The following EPB41L2 variants were observed in gnomAD, a reference collection of about 807,000 sequenced individuals.
The protein encoded by EPB41L2 is erythrocyte membrane protein band 4.1 like 2.
A neutral mutation model predicts 113.0 loss-of-function variants in EPB41L2; 43 were observed. The ratio of observed to expected loss-of-function variants is 0.38; its 90% CI spans 0.30 to 0.49. The LOEUF (loss-of-function observed/expected upper bound fraction) is 0.49. EPB41L2 is among the 20% of genes least tolerant of loss of function. The probability of loss-of-function intolerance (pLI) is 0.95; values close to 1 mark genes in which losing one functional copy is unlikely to be tolerated. For missense variants in EPB41L2, 1,147 were observed against 1,223.4 expected (o/e 0.94, Z 0.93); for synonymous variants, 442 against 436.7 (o/e 1.01, Z -0.15).
chr6:131,001,129 G>A (rs1289639603), intron 1 of EPB41L2, among the ~76,000 whole-genome samples: 1 of 152,084 alleles, frequency 6.6e-6, no homozygotes, highest in African/African-American at 2.4e-5. Flanking sequence ...AGAAGAGAGC[G>A]TAAATGAGTG....
intron 1 of EPB41L2, among the ~76,000 whole-genome samples, chr6:131,051,667 T>A (rs1412146281): frequency 1.3e-5 from 2 of 152,126 alleles, no homozygotes; most frequent in African/African-American, 4.8e-5. Flanking sequence ...CCTGAAGAAT[T>A]GGAGGTTCCA....
intron 1 of EPB41L2, among the ~76,000 whole-genome samples, chr6:131,025,197 C>T (rs1406212962): frequency 6.6e-6 from 1 of 152,154 alleles, no homozygotes; most frequent in Non-Finnish European, 1.5e-5. Context: ...CTTTCTAAGG[C>T]CTGTTTCCCC....
chr6:130,874,716 C>T (rs1406637817), intron 14 of EPB41L2, among the ~76,000 whole-genome samples: 1 of 152,146 alleles, frequency 6.6e-6, no homozygotes, highest in African/African-American at 2.4e-5. Flanking sequence ...TACAGATAAA[C>T]CACTTGGGGG....
chr6:131,029,895 CT>C (rs959016942), intron 1 of EPB41L2, among the ~76,000 whole-genome samples: 1 of 6,934 alleles, frequency 1.4e-4, no homozygotes, highest in Non-Finnish European at 2.6e-4. Context: ...GGATTTTTCT[CT>C]TTTTTTCTTT....
chr6:130,888,435 A>G (rs1032846970), intron 11 of EPB41L2, among the ~76,000 whole-genome samples: 4 of 152,156 alleles, frequency 2.6e-5, no homozygotes, highest in Non-Finnish European at 5.9e-5. Context: ...ACCTCCTGTA[A>G]CCCTCTGCAC....
chr6:130,875,639 T>C (rs957997690), intron 14 of EPB41L2, among the ~76,000 whole-genome samples: 4 of 152,134 alleles, frequency 2.6e-5, no homozygotes, highest in African/African-American at 9.7e-5. Flanking sequence ...TAACACAACA[T>C]TGTATTTCAC....
chr6:131,049,117 T>C (rs1204461925), intron 1 of EPB41L2, among the ~76,000 whole-genome samples: 2 of 152,248 alleles, frequency 1.3e-5, no homozygotes, highest in African/African-American at 2.4e-5. Context: ...CAGCTCTTCA[T>C]TGCAGAGCTG....
chr6:130,910,274 G>A (rs1267700770), intron 4 of EPB41L2, among the ~76,000 whole-genome samples: 4 of 152,172 alleles, frequency 2.6e-5, no homozygotes, highest in Admixed American at 6.5e-5. Flanking sequence ...AACAAGCAAT[G>A]AGGAAAGGAT....
chr6:131,035,834 T>A (rs1174508724), intron 1 of EPB41L2, among the ~76,000 whole-genome samples: 1 of 152,220 alleles, frequency 6.6e-6, no homozygotes, highest in South Asian at 2.1e-4. Flanking sequence ...AGTGAGAGGT[T>A]AGCAATGTCA....
chr6:130,892,403 C>CTTTTTTTTTTT lies in EPB41L2; in HGVS notation c.1487+1930_1488-1938dup, dbSNP rs60350565. On this transcript the variant is annotated intron_variant, in intron 10 of 19. Transcript: ENST00000337057. ...CTTGCCATTTCTGAACAGATTATTGCTTTTTTTTTTTTTTTTTTTATCATT... is the reference window on the plus strand; with the variant it reads ...CTTGCCATTTCTGAACAGATTATTGCTTTTTTTTTTTTTTTTTTTTTTTTTTTTTTATCATT... Among the ~76,000 whole-genome samples the CTTTTTTTTTTT allele has an allele frequency of 5.5e-4, 51 of 92,624 alleles. 2 individuals carry two copies. Among genetic ancestry groups the CTTTTTTTTTTT allele is most frequent in the African/African-American group, 1.4e-3 (40 of 28,916 alleles). 60.8% of individuals were successfully genotyped at this position (92,624 alleles called of 152,430 possible).
intron 1 of EPB41L2, among the ~76,000 whole-genome samples, chr6:131,006,973 T>C (rs1299745044): frequency 6.6e-6 from 1 of 152,122 alleles, no homozygotes; most frequent in Non-Finnish European, 1.5e-5. Flanking sequence ...CTTAACTCCT[T>C]TGCCCCTCCC....
At chr6:130,985,973 T>C (rs1285429914) in intron 1 of EPB41L2, among the ~76,000 whole-genome samples, 2 of 151,940 alleles carry the variant, frequency 1.3e-5, no homozygotes, top group Non-Finnish European at 2.9e-5. Context: ...TCCTAACCCA[T>C]TCTATAGGGC....
Position 131,051,932 on chromosome 6 carries a change from A to AT in EPB41L2, c.-15+11222dup, listed in dbSNP as rs1260748306. ...TTAGGATGTAGCCTGTGCTGTGTTG[A>AT]TTTTTTTTTTCTTTTTTTTTTTGAG... On this transcript the variant is annotated intron_variant, in intron 1 of 19. Coordinates refer to ENST00000337057, the MANE Select transcript of EPB41L2 (RefSeq NM_001431.4). 3.1e-3 allele frequency among the ~76,000 whole-genome samples: 358 copies of AT among 114,682 alleles called. 2 individuals are homozygous for AT. The highest frequency in any genetic ancestry group is 7.4e-3 in the Admixed American group (77 of 10,438). The allele number at this position is 114,682 out of a possible 152,430, so 75.2% of individuals were successfully genotyped here.
intron 3 of EPB41L2, among the ~76,000 whole-genome samples, chr6:130,936,367 T>C (rs1808787990): frequency 6.6e-6 from 1 of 152,242 alleles, no homozygotes; most frequent in Admixed American, 6.5e-5. Flanking sequence ...GTCTCTCTTC[T>C]GACCCTCCAA....
chr6:130,918,182 T>C (rs1801719732), intron 4 of EPB41L2, among the ~76,000 whole-genome samples: 1 of 152,188 alleles, frequency 6.6e-6, no homozygotes, highest in Non-Finnish European at 1.5e-5. Context: ...TAAAGAATAG[T>C]TTATATATGC....
rs538183676 is a variant in EPB41L2, at chr6:130,849,600, G to A, written c.*5+8531C>T. On this transcript the variant is annotated intron_variant, in intron 19 of 19. Transcript: ENST00000337057. ...GCGTCCATTCAACTAATCTCTATAA[G>A]AGAAAAAAATAGACACCTGAATAGG... Among the ~76,000 whole-genome samples, 7 of 152,156 alleles carry A rather than the reference G, an allele frequency of 4.6e-5. No individual in the cohort carries two copies. In the East Asian group the frequency reaches 1.4e-3, roughly 29 times the overall value.
At chr6:130,970,081 C>T (rs1322314757) in intron 1 of EPB41L2, among the ~76,000 whole-genome samples, 1 of 152,144 alleles carries the variant, frequency 6.6e-6, no homozygotes, top group Non-Finnish European at 1.5e-5. Flanking sequence ...TCAAATATCA[C>T]AACATATTCC....
chr6:130,963,260 T>C (rs911418499), intron 1 of EPB41L2, among the ~76,000 whole-genome samples: 1 of 152,180 alleles, frequency 6.6e-6, no homozygotes, highest in African/African-American at 2.4e-5. Context: ...GAGGAGAGCA[T>C]TAGAAAATAA....
intron 4 of EPB41L2, among the ~76,000 whole-genome samples, chr6:130,918,118 A>G (rs1801700983): frequency 6.6e-6 from 1 of 152,224 alleles, no homozygotes; most frequent in African/African-American, 2.4e-5. Flanking sequence ...TTCACTACAC[A>G]TCTGGGAGAA....
Sources: gnomAD v4.1 joint callset for allele counts (sites outside exome capture counted in the v4.1 genomes callset) on GRCh38, gnomAD v4.1.1 for gene constraint, MANE v1.5 for transcripts, NCBI Gene and HGNC (gene_info 2026-07-23, HGNC 2026-07-21) for gene names.